Variants in RGS7BP observed in about 807,000 individuals in gnomAD.
RGS7BP encodes regulator of G protein signaling 7-binding protein.
In RGS7BP, 9 loss-of-function variants were observed where a neutral mutation model predicts 31.3. The ratio of observed to expected loss-of-function variants is 0.29; its 90% CI spans 0.17 to 0.50. RGS7BP has a LOEUF of 0.50. RGS7BP is among the 20% of genes least tolerant of loss of function. The probability of loss-of-function intolerance (pLI) is 0.98; values close to 1 mark genes in which losing one functional copy is unlikely to be tolerated. For synonymous variants in RGS7BP, 115 were observed against 120.1 expected, an observed-to-expected ratio of 0.96 and a Z score of 0.28; for missense variants, 274 against 322.0, an observed-to-expected ratio of 0.85 and a Z score of 1.14.
At position 64,506,883 on chromosome 5, in the gene RGS7BP, T is replaced by C. The variant is rs1580378649; in HGVS notation, c.165+94T>C. The C allele has an allele frequency of 4.2e-6, 5 of 1,179,144 alleles. No homozygotes were observed. Among genetic ancestry groups the C allele is most frequent in the African/African-American group, 3.1e-5 (2 of 63,712 alleles). 73.0% of individuals were successfully genotyped at this position (1,179,144 alleles called of 1,614,324 possible). On this transcript the variant is annotated intron_variant, in intron 1 of 5. Coordinates refer to ENST00000334025, the MANE Select transcript of RGS7BP (RefSeq NM_001029875.3). The surrounding 1 kb of genome is among the most constrained non-coding windows in gnomAD (Gnocchi z 4.6). ...AATCATTTGCCTGAGTGCCAGCCACTCCCCCACCCTCAGCTCCTCAATGCC... is the reference window on the plus strand; with the variant it reads ...AATCATTTGCCTGAGTGCCAGCCACCCCCCCACCCTCAGCTCCTCAATGCC...
chr5:64,611,534 G>A lies in RGS7BP; in HGVS notation c.*2282G>A, dbSNP rs1743503345. 1 of 152,174 alleles carries A rather than the reference G, an allele frequency of 6.6e-6. No individual in the cohort carries two copies. Among genetic ancestry groups the A allele is most frequent in the Non-Finnish European group, 1.5e-5 (1 of 67,868 alleles). The allele number at this position is 152,174 out of a possible 1,614,324, so 9.4% of individuals were successfully genotyped here. On this transcript the variant is annotated 3_prime_UTR_variant, in exon 6 of 6. Coordinates refer to ENST00000334025, the MANE Select transcript of RGS7BP (RefSeq NM_001029875.3). ...AAATTCAGGTCTCACCTCCATGTCT[G>A]AAAAGGCTATAGTAGCTATTCATGG...
chr5:64,596,149 C>T (rs1743062488), intron 4 of RGS7BP, among the ~76,000 whole-genome samples: 1 of 152,144 alleles, frequency 6.6e-6, no homozygotes, highest in African/African-American at 2.4e-5. Flanking sequence ...ATATTCACGC[C>T]TTATAAGCTT....
chr5:64,541,985 T>C (rs1338051751), intron 2 of RGS7BP, among the ~76,000 whole-genome samples: 1 of 151,614 alleles, frequency 6.6e-6, no homozygotes, highest in Non-Finnish European at 1.5e-5. Flanking sequence ...TTATTTTTTG[T>C]TCTAGTATAT....
intron 2 of RGS7BP, among the ~76,000 whole-genome samples, chr5:64,516,435 T>C (rs551745974): frequency 6.6e-6 from 1 of 152,308 alleles, no homozygotes; most frequent in Admixed American, 6.5e-5. Flanking sequence ...GGCCATCAGC[T>C]GTTGTAGTAC....
At chr5:64,536,158 A>T (rs923888192) in intron 2 of RGS7BP, among the ~76,000 whole-genome samples, 1 of 152,202 alleles carries the variant, frequency 6.6e-6, no homozygotes, top group African/African-American at 2.4e-5. Context: ...CAAGGAACAG[A>T]CAAAAAGTAG....
intron 5 of RGS7BP, among the ~76,000 whole-genome samples, chr5:64,599,834 A>G (rs1333088443): frequency 6.6e-6 from 1 of 152,248 alleles, no homozygotes; most frequent in Non-Finnish European, 1.5e-5. Context: ...ACTTCTGCAA[A>G]TGTATTTCCT....
chr5:64,522,432 G>A (rs985970247), intron 2 of RGS7BP, among the ~76,000 whole-genome samples: 1 of 152,074 alleles, frequency 6.6e-6, no homozygotes, highest in Middle Eastern at 3.2e-3. Flanking sequence ...CTCTATATAG[G>A]GAAGAACATG....
intron 3 of RGS7BP, among the ~76,000 whole-genome samples, chr5:64,589,852 A>G (rs1305436480): frequency 1.3e-5 from 2 of 151,530 alleles, no homozygotes; most frequent in Non-Finnish European, 2.9e-5. Flanking sequence ...ACATAAGCCC[A>G]GGAGTTCAAG....
At chr5:64,567,810 T>G (rs1280868230) in intron 2 of RGS7BP, among the ~76,000 whole-genome samples, 1 of 152,200 alleles carries the variant, frequency 6.6e-6, no homozygotes, top group African/African-American at 2.4e-5. Context: ...AGTGGGTAAA[T>G]GCAGGAATTA....
At chr5:64,595,454 G>A (rs756661927) in intron 4 of RGS7BP, among the ~76,000 whole-genome samples, 1 of 152,080 alleles carries the variant, frequency 6.6e-6, no homozygotes, top group East Asian at 1.9e-4. Context: ...CTTAACTTCA[G>A]TAGCTCACTT....
intron 2 of RGS7BP, among the ~76,000 whole-genome samples, chr5:64,521,132 ACT>A (rs1238268173): frequency 1.3e-5 from 2 of 150,856 alleles, no homozygotes; most frequent in East Asian, 2.0e-4. Flanking sequence ...TGAGTTTTAG[ACT>A]CTTTTATTCC....
intron 1 of RGS7BP, among the ~76,000 whole-genome samples, chr5:64,507,070 A>G (rs1030028578): frequency 6.6e-6 from 1 of 152,168 alleles, no homozygotes; most frequent in Non-Finnish European, 1.5e-5. Flanking sequence ...TGGATGCGAA[A>G]GACACAGTGA....
chr5:64,603,074 T>C (rs1486928585), intron 5 of RGS7BP, among the ~76,000 whole-genome samples: 1 of 152,074 alleles, frequency 6.6e-6, no homozygotes, highest in African/African-American at 2.4e-5. Context: ...AGACAAGAGC[T>C]GTATCATTAA....
intron 3 of RGS7BP, among the ~76,000 whole-genome samples, chr5:64,580,779 GATGAA>G (rs1742570173): frequency 6.6e-6 from 1 of 152,118 alleles, no homozygotes; most frequent in African/African-American, 2.4e-5. Context: ...AGCCTGTCTG[GATGAA>G]CTCACTAAAT....
intron 5 of RGS7BP, among the ~76,000 whole-genome samples, chr5:64,607,637 A>C (rs568254955): frequency 1.3e-5 from 2 of 152,058 alleles, no homozygotes; most frequent in Non-Finnish European, 2.9e-5. Context: ...TCCAGGTAGC[A>C]GACTTCAGCA....
intron 2 of RGS7BP, among the ~76,000 whole-genome samples, chr5:64,512,157 C>T (rs984297152): frequency 1.3e-5 from 2 of 152,280 alleles, no homozygotes; most frequent in African/African-American, 4.8e-5. Context: ...TCTGTGGTGT[C>T]TGTGTTGGAC....
At chr5:64,555,176 C>T (rs1321499357) in intron 2 of RGS7BP, among the ~76,000 whole-genome samples, 4 of 152,054 alleles carry the variant, frequency 2.6e-5, no homozygotes, top group Non-Finnish European at 5.9e-5. Flanking sequence ...ACATTTCCTA[C>T]AGAGGAACTA....
Position 64,583,956 on chromosome 5 carries a change from C to T in RGS7BP, c.463+8052C>T, listed in dbSNP as rs545051040. On this transcript the variant is annotated intron_variant, in intron 3 of 5. Transcript: ENST00000334025. Reference sequence around the variant, plus strand: ...CCTTCTACTTGCCAGGTGCATTATACACATTATCTTATTTTATCCTCAAGT... The same window carrying T: ...CCTTCTACTTGCCAGGTGCATTATATACATTATCTTATTTTATCCTCAAGT... 2.0e-5 allele frequency among the ~76,000 whole-genome samples: 3 copies of T among 152,296 alleles called. No homozygotes were observed. In the South Asian group the frequency reaches 6.2e-4, roughly 32 times the overall value.
At position 64,506,642 on chromosome 5, in the gene RGS7BP, T is replaced by C. The variant is rs1247987398; in HGVS notation, c.18T>C (p.Asn6=). The part of the protein sequence containing the change: MSSAP[N]GRKKRPSRST... Reference sequence around the variant, plus strand: ...GTGTATGCATGAGTTCTGCACCGAATGGGCGCAAAAAGCGCCCCAGCCGGT... The same window carrying C: ...GTGTATGCATGAGTTCTGCACCGAACGGGCGCAAAAAGCGCCCCAGCCGGT... The change falls in exon 1 of 6, where the codon AAT becomes AAC. Residue 6 remains asparagine, a synonymous_variant. Transcript: ENST00000334025. This position sits in a 1 kb window ranked among gnomAD's most constrained non-coding sequence, Gnocchi z 4.6. The C allele has an allele frequency of 5.6e-6, 9 of 1,610,264 alleles. No individual in the cohort carries two copies. Among genetic ancestry groups the C allele is most frequent in the African/African-American group, 2.7e-5 (2 of 74,930 alleles).
Sources: allele counts gnomAD v4.1 joint callset (sites outside exome capture counted in the v4.1 genomes callset), GRCh38; gene constraint gnomAD v4.1.1; non-coding constraint Gnocchi (gnomAD v3.1); transcripts MANE v1.5; gene names NCBI Gene and HGNC (gene_info 2026-07-23, HGNC 2026-07-21).